Variants in MEIOB observed in about 807,000 individuals in gnomAD.
The protein encoded by MEIOB is meiosis specific with OB-fold.
Under a neutral mutation model 53.1 loss-of-function variants are expected in MEIOB, and 50 were observed. The ratio of observed to expected loss-of-function variants is 0.94; its 90% CI spans 0.75 to 1.19. The LOEUF is 1.19. MEIOB is among the 50% of genes most tolerant of loss of function. MEIOB has a pLI of 0.00. For synonymous variants in MEIOB, 192 were observed against 182.5 expected (o/e 1.05, Z -0.42); for missense variants, 551 against 550.8 (o/e 1.00, Z 0.00).
intron 9 of MEIOB, 147 bp downstream of exon 9, chr16:1,852,891 TA>T: frequency 1.7e-6 from 1 of 584,248 alleles, no homozygotes; most frequent in Non-Finnish European, 3.0e-6. Flanking sequence ...AAGTTCATTG[TA>T]AGTTTTTAAA....
chr16:1,862,182 A>G, intron 3 of MEIOB, 66 bp from the exon 4 acceptor site: 1 of 1,316,356 alleles, frequency 7.6e-7, no homozygotes, highest in Non-Finnish European at 1.0e-6. Flanking sequence ...GCCTTTTGAT[A>G]AGTGTTACAT....
intron 2 of MEIOB, among the ~76,000 whole-genome samples, chr16:1,867,462 A>ATTTTTTT: frequency 9.7e-6 from 1 of 102,946 alleles, no homozygotes; most frequent in Non-Finnish European, 1.8e-5. Context: ...AAATGGTTTA[A>ATTTTTTT]TTTTTTTTTT....
chr16:1,854,409 AAGAGACAC>A (rs1234983537), intron 6 of MEIOB, among the ~76,000 whole-genome samples: 6 of 152,260 alleles, frequency 3.9e-5, no homozygotes, highest in Admixed American at 2.6e-4. Flanking sequence ...CAACACTTTG[AAGAGACAC>A]AGGGAGACAG....
At chr16:1,854,452 C>T (rs1469170017) in intron 6 of MEIOB, among the ~76,000 whole-genome samples, 1 of 152,316 alleles carries the variant, frequency 6.6e-6, no homozygotes, top group East Asian at 1.9e-4. Context: ...GACTGAAAGT[C>T]TTTTTAACAT....
chr16:1,853,869 A>G (rs149802675), intron 7 of MEIOB, among the ~76,000 whole-genome samples: 2 of 152,320 alleles, frequency 1.3e-5, no homozygotes, highest in African/African-American at 4.8e-5. Flanking sequence ...CAATAATAAA[A>G]CTGGGCACGG....
At chr16:1,849,105 C>A (rs1478028144) in intron 9 of MEIOB, among the ~76,000 whole-genome samples, 3 of 151,748 alleles carry the variant, frequency 2.0e-5, no homozygotes, top group Non-Finnish European at 4.4e-5. Flanking sequence ...AGAAACACTG[C>A]AAAACCCCGT....
At chr16:1,858,040 T>G in intron 5 of MEIOB, 110 bp from the exon 6 acceptor site, 1 of 681,874 alleles carries the variant, frequency 1.5e-6, no homozygotes, top group Non-Finnish European at 2.4e-6. Context: ...ACAATACTAA[T>G]ATATACTTTT....
At chr16:1,848,540 T>C (rs1432217444) in intron 9 of MEIOB, among the ~76,000 whole-genome samples, 1 of 142,556 alleles carries the variant, frequency 7.0e-6, no homozygotes, top group African/African-American at 2.6e-5. Flanking sequence ...TTTTTTTTTT[T>C]TTCCTTTTTT....
intron 9 of MEIOB, among the ~76,000 whole-genome samples, chr16:1,849,307 C>T (rs1899100996): frequency 6.6e-6 from 1 of 152,018 alleles, no homozygotes; most frequent in African/African-American, 2.4e-5. Context: ...AATCCCAGCA[C>T]TTTGGGAGGC....
At chr16:1,835,347 G>T (rs1898714864) in intron 13 of MEIOB, among the ~76,000 whole-genome samples, 1 of 151,958 alleles carries the variant, frequency 6.6e-6, no homozygotes, top group African/African-American at 2.4e-5. Context: ...GCTGTAGCAG[G>T]GACTCAATCT....
Position 1,834,367 on chromosome 16 carries a change from C to G in MEIOB, c.1306-1G>C, listed in dbSNP as rs1226833715. 2 of 1,535,968 alleles carry G rather than the reference C, an allele frequency of 1.3e-6. No individual in the cohort carries two copies. Among genetic ancestry groups the G allele is most frequent in the Non-Finnish European group, 1.8e-6 (2 of 1,116,782 alleles). On this transcript the variant is annotated splice_acceptor_variant, in intron 13 of 13. Coordinates refer to ENST00000325962, the MANE Select transcript of MEIOB (RefSeq NM_001163560.3). LOFTEE classifies it high-confidence loss of function. Reference sequence around the variant, plus strand: ...TCCTTGCTCTGTGTGATAGAACGAACTGCGAGGAGAAACAGAAAAAGAGAC... The same window carrying G: ...TCCTTGCTCTGTGTGATAGAACGAAGTGCGAGGAGAAACAGAAAAAGAGAC...
chr16:1,869,749 C>T (rs932582624), intron 1 of MEIOB, among the ~76,000 whole-genome samples: 1 of 152,010 alleles, frequency 6.6e-6, no homozygotes, highest in East Asian at 1.9e-4. Context: ...CCACGCCCGG[C>T]CTCAGTGGGA....
intron 1 of MEIOB, 146 bp from the exon 2 acceptor site, chr16:1,868,330 A>C: frequency 2.2e-6 from 1 of 445,326 alleles, no homozygotes. Context: ...GCTGAAGTGG[A>C]TGGATCACCT....
chr16:1,856,381 G>A (rs1346206475), intron 6 of MEIOB, among the ~76,000 whole-genome samples: 12 of 150,266 alleles, frequency 8.0e-5, no homozygotes, highest in Non-Finnish European at 1.2e-4. Flanking sequence ...GTGCAGTGGC[G>A]CAATCTTGGC....
At chr16:1,837,621 C>T in intron 13 of MEIOB, 163 bp downstream of exon 13, 1 of 475,820 alleles carries the variant, frequency 2.1e-6, no homozygotes, top group Non-Finnish European at 3.8e-6. Context: ...TGAAAAAACC[C>T]CTGGCTATTT....
chr16:1,836,952 AGAGTT>A (rs1213459117), intron 13 of MEIOB, among the ~76,000 whole-genome samples: 2 of 152,208 alleles, frequency 1.3e-5, no homozygotes, highest in Non-Finnish European at 2.9e-5. Context: ...ACAAGAGAAA[AGAGTT>A]GAGAACCATG....
chr16:1,841,321 A>C (rs530345190), intron 11 of MEIOB, among the ~76,000 whole-genome samples: 1 of 152,064 alleles, frequency 6.6e-6, no homozygotes, highest in Non-Finnish European at 1.5e-5. Context: ...CCCGGCCTGC[A>C]GTTTACTTTC....
At chr16:1,860,805 A>G (rs1899422805) in intron 4 of MEIOB, among the ~76,000 whole-genome samples, 1 of 152,180 alleles carries the variant, frequency 6.6e-6, no homozygotes, top group African/African-American at 2.4e-5. Context: ...GAGATACCAT[A>G]CATTGTCCTG....
In MEIOB at chr16:1,837,863, T is replaced by C; in HGVS notation, c.1226A>G (p.Glu409Gly). ...CTGTTCATCTGTCATTGCAAGAAAC[T>C]CATGTACCTGGTTAAAAAAAAAATA... Reference protein sequence around the residue: ...AEETLGCTVHEFLAMTDEQKT... With the variant: ...AEETLGCTVHGFLAMTDEQKT... The change falls in exon 13 of 14, where the codon GAG (glutamate) becomes GGG (glycine). Residue 409 changes from glutamate (E) to glycine (G), a missense_variant. Physicochemically the swap from Glu to Gly is moderately conservative, Grantham distance 98. Coordinates refer to ENST00000325962, the MANE Select transcript of MEIOB (RefSeq NM_001163560.3). 6.6e-7 allele frequency: 1 copy of C among 1,512,370 alleles called. No homozygotes were observed. Among genetic ancestry groups the C allele is most frequent in the Non-Finnish European group, 8.9e-7 (1 of 1,129,852 alleles). 93.7% of individuals were successfully genotyped at this position (1,512,370 alleles called of 1,614,324 possible). A position where few individuals can be genotyped will look rare whatever the true frequency, so the allele number is the denominator to read the frequency against.
Sources: allele counts gnomAD v4.1 joint callset (sites outside exome capture counted in the v4.1 genomes callset), GRCh38; gene constraint gnomAD v4.1.1; transcripts MANE v1.5; gene names NCBI Gene and HGNC (gene_info 2026-07-23, HGNC 2026-07-21).